TBC1D5: variants seen among roughly 807,000 people sequenced by gnomAD.
TBC1D5 encodes the protein TBC1 domain family, member 5.
In TBC1D5, 75 loss-of-function variants were observed where a neutral mutation model predicts 100.3. That is an observed-to-expected ratio of 0.75 (90% CI 0.62 to 0.91). The LOEUF (loss-of-function observed/expected upper bound fraction) is 0.91, where lower values mean the gene tolerates loss of function less well. TBC1D5 is among the 40% of genes least tolerant of loss of function. TBC1D5 has a pLI of 0.00. For synonymous variants in TBC1D5, 323 were observed against 325.6 expected (o/e 0.99, Z 0.09); for missense variants, 910 against 942.4 (o/e 0.97, Z 0.45).
At chr3:17,408,225 T>C (rs1246526628) in intron 4 of TBC1D5, among the ~76,000 whole-genome samples, 2 of 151,064 alleles carry the variant, frequency 1.3e-5, no homozygotes, top group Admixed American at 1.3e-4. Flanking sequence ...GGAATTATTA[T>C]GAGAATTTCA....
chr3:17,240,008 T>C (rs1173286377), intron 16 of TBC1D5, among the ~76,000 whole-genome samples: 1 of 152,208 alleles, frequency 6.6e-6, no homozygotes, highest in African/African-American at 2.4e-5. Context: ...TTTAATTAAC[T>C]TGATTTTTAC....
chr3:17,395,126 G>A (rs1386380486), intron 8 of TBC1D5, among the ~76,000 whole-genome samples: 1 of 151,952 alleles, frequency 6.6e-6, no homozygotes, highest in Non-Finnish European at 1.5e-5. Flanking sequence ...ATATAAGGTT[G>A]GGAGAAGGCA....
chr3:17,706,667 T>A (rs1443522452), intron 1 of TBC1D5, among the ~76,000 whole-genome samples: 1 of 152,186 alleles, frequency 6.6e-6, no homozygotes, highest in African/African-American at 2.4e-5. Flanking sequence ...ATTATAAAAA[T>A]TATCTTAAAA....
intron 2 of TBC1D5, among the ~76,000 whole-genome samples, chr3:17,528,597 C>T (rs1000825464): frequency 6.6e-6 from 1 of 152,146 alleles, no homozygotes; most frequent in Non-Finnish European, 1.5e-5. Context: ...AAAACTACAT[C>T]ATACTTTTTG....
intron 2 of TBC1D5, among the ~76,000 whole-genome samples, chr3:17,561,365 G>C (rs1039856808): frequency 2.0e-5 from 3 of 151,954 alleles, no homozygotes; most frequent in Non-Finnish European, 4.4e-5. Context: ...AAAAATCATA[G>C]ATTAACACTC....
chr3:17,252,268 T>A (rs1335292074), intron 16 of TBC1D5, among the ~76,000 whole-genome samples: 10 of 152,186 alleles, frequency 6.6e-5, no homozygotes, highest in Admixed American at 6.5e-4. Flanking sequence ...TTTCATTTGA[T>A]AAAATTGAAA....
intron 15 of TBC1D5, among the ~76,000 whole-genome samples, chr3:17,260,674 CATAA>C (rs2078200083): frequency 6.6e-6 from 1 of 152,118 alleles, no homozygotes. Context: ...GTTTCTAAAA[CATAA>C]ATATACAGAC....
chr3:17,302,369 G>A (rs2082939588), intron 14 of TBC1D5, among the ~76,000 whole-genome samples: 1 of 152,026 alleles, frequency 6.6e-6, no homozygotes, highest in Non-Finnish European at 1.5e-5. Flanking sequence ...CAGTCATATT[G>A]GATTAGTATG....
At chr3:17,356,734 T>C (rs1282694626) in intron 13 of TBC1D5, among the ~76,000 whole-genome samples, 1 of 152,098 alleles carries the variant, frequency 6.6e-6, no homozygotes, top group Non-Finnish European at 1.5e-5. Flanking sequence ...AAGAGGCCAA[T>C]CATATGTGGG....
intron 1 of TBC1D5, among the ~76,000 whole-genome samples, chr3:17,725,334 T>G (rs2076032358): frequency 6.6e-6 from 1 of 152,102 alleles, no homozygotes; most frequent in African/African-American, 2.4e-5. Flanking sequence ...AAATATGAAC[T>G]GCAAATCCAA....
chr3:17,215,931 T>C (rs1433149765), intron 17 of TBC1D5, among the ~76,000 whole-genome samples: 1 of 152,168 alleles, frequency 6.6e-6, no homozygotes, highest in Admixed American at 6.5e-5. Context: ...AAGACAATTT[T>C]ATTACACTGA....
intron 1 of TBC1D5, among the ~76,000 whole-genome samples, chr3:17,712,371 C>T (rs1002582204): frequency 6.6e-6 from 1 of 152,200 alleles, no homozygotes; most frequent in Non-Finnish European, 1.5e-5. Context: ...AAGGCTATTG[C>T]ATCTCTCAGG....
At chr3:17,402,988 G>C (rs910019828) in intron 8 of TBC1D5, among the ~76,000 whole-genome samples, 193 bp downstream of exon 8, 1 of 151,978 alleles carries the variant, frequency 6.6e-6, no homozygotes, top group African/African-American at 2.4e-5. Context: ...TTTAAAAAGG[G>C]AACATAGAAA....
intron 1 of TBC1D5, among the ~76,000 whole-genome samples, chr3:17,717,121 GT>G (rs2075304050): frequency 6.6e-6 from 1 of 152,010 alleles, no homozygotes; most frequent in Non-Finnish European, 1.5e-5. Flanking sequence ...CACCTAGCCA[GT>G]AAACAGTACA....
chr3:17,444,854 A>C, intron 3 of TBC1D5, among the ~76,000 whole-genome samples: 1 of 152,144 alleles, frequency 6.6e-6, no homozygotes, highest in East Asian at 1.9e-4. Context: ...ATAACTTTCA[A>C]TGGCTACAAA....
intron 13 of TBC1D5, among the ~76,000 whole-genome samples, chr3:17,314,917 T>G (rs1306178093): frequency 6.6e-6 from 1 of 152,200 alleles, no homozygotes; most frequent in East Asian, 1.9e-4. Flanking sequence ...AAACACAGAT[T>G]GCTAGAACCC....
chr3:17,452,362 CAGA>C (rs932846848), intron 3 of TBC1D5, among the ~76,000 whole-genome samples: 1 of 152,018 alleles, frequency 6.6e-6, no homozygotes, highest in African/African-American at 2.4e-5. Context: ...GGCATAAAGA[CAGA>C]AGGTCTGAAT....
At chr3:17,667,856 T>G (rs998256354) in intron 1 of TBC1D5, among the ~76,000 whole-genome samples, 1 of 152,096 alleles carries the variant, frequency 6.6e-6, no homozygotes, top group Non-Finnish European at 1.5e-5. Context: ...CTCTAACAAC[T>G]GATTAGTCTG....
intron 4 of TBC1D5, among the ~76,000 whole-genome samples, chr3:17,406,881 T>C (rs2093784777): frequency 6.6e-6 from 1 of 152,044 alleles, no homozygotes; most frequent in Non-Finnish European, 1.5e-5. Context: ...GCTCCAAAAA[T>C]ATGCAACAAA....
Sources: allele counts gnomAD v4.1 joint callset (sites outside exome capture counted in the v4.1 genomes callset), GRCh38; gene constraint gnomAD v4.1.1; transcripts MANE v1.5; gene names NCBI Gene and HGNC (gene_info 2026-07-23, HGNC 2026-07-21).